ZNF827: variants seen among roughly 807,000 people sequenced by gnomAD.
The protein encoded by ZNF827 is zinc finger protein 827.
ZNF827 carries 13 observed loss-of-function variants against 102.4 expected under a neutral mutation model. The ratio of observed to expected loss-of-function variants is 0.13; its 90% CI spans 0.08 to 0.20. The LOEUF is 0.20. Among genes scored for constraint, ZNF827 ranks in the 10% least tolerant of loss-of-function variants. The pLI is 1.00. For missense variants in ZNF827, 1,103 were observed against 1,344.4 expected, an observed-to-expected ratio of 0.82 and a Z score of 2.81; for synonymous variants, 523 against 536.2, an observed-to-expected ratio of 0.98 and a Z score of 0.34.
intron 8 of ZNF827, chr4:145,820,016 G>A (rs1404476086): frequency 6.6e-6 from 1 of 152,178 alleles, no homozygotes; most frequent in Non-Finnish European, 1.5e-5. Flanking sequence ...TGCTATTCTC[G>A]ATCTCTTCAC....
intron 4 of ZNF827, among the ~76,000 whole-genome samples, chr4:145,884,052 C>T (rs1421845316): frequency 1.3e-5 from 2 of 152,086 alleles, no homozygotes; most frequent in Admixed American, 6.5e-5. Context: ...AGGGAGAAGT[C>T]GGGGGAGAGA....
At chr4:145,841,908 G>C (rs1043885523) in intron 7 of ZNF827, among the ~76,000 whole-genome samples, 2 of 151,274 alleles carry the variant, frequency 1.3e-5, no homozygotes, top group Admixed American at 6.6e-5. Context: ...CTGAGTTTAA[G>C]TTCTTAGGAT....
At chr4:145,804,783 G>A (rs1313712595) in intron 8 of ZNF827, among the ~76,000 whole-genome samples, 4 of 152,188 alleles carry the variant, frequency 2.6e-5, no homozygotes, top group African/African-American at 9.6e-5. Context: ...AGTGGGGACA[G>A]TGCAAATCCC....
chr4:145,923,444 C>T (rs1244660191), intron 1 of ZNF827, among the ~76,000 whole-genome samples: 2 of 120,858 alleles, frequency 1.7e-5, no homozygotes, highest in African/African-American at 5.5e-5. Flanking sequence ...ATCTCTATTA[C>T]AAATGTAAAA....
intron 8 of ZNF827, among the ~76,000 whole-genome samples, chr4:145,781,195 C>CAAAAAAAAAAAAA (rs10605153): frequency 1.2e-3 from 69 of 56,536 alleles, no homozygotes; most frequent in East Asian, 3.4e-3. Context: ...GACACCATCT[C>CAAAAAAAAAAAAA]AAAAAAAAAA....
intron 4 of ZNF827, among the ~76,000 whole-genome samples, chr4:145,877,582 A>G (rs1236089347): frequency 6.6e-6 from 1 of 152,140 alleles, no homozygotes; most frequent in Non-Finnish European, 1.5e-5. Context: ...TCCCCACCTG[A>G]GCTAATCCTT....
At chr4:145,829,507 G>A (rs547121066) in intron 7 of ZNF827, among the ~76,000 whole-genome samples, 7 of 152,302 alleles carry the variant, frequency 4.6e-5, no homozygotes, top group Non-Finnish European at 7.3e-5. Context: ...TACAGATTTC[G>A]AGAGCTGGAT....
At chr4:145,919,340 G>T (rs1050005357) in intron 1 of ZNF827, among the ~76,000 whole-genome samples, 7 of 152,198 alleles carry the variant, frequency 4.6e-5, no homozygotes, top group African/African-American at 1.7e-4. Context: ...GGGACCACCC[G>T]TACTTGTTCA....
chr4:145,872,530 T>C (rs1350151159), intron 4 of ZNF827, among the ~76,000 whole-genome samples: 5 of 152,232 alleles, frequency 3.3e-5, no homozygotes, highest in African/African-American at 1.2e-4. Context: ...TGTTACGCGG[T>C]ATTTAGTTTA....
At chr4:145,847,083 G>A (rs1746053913) in intron 6 of ZNF827, among the ~76,000 whole-genome samples, 1 of 152,146 alleles carries the variant, frequency 6.6e-6, no homozygotes, top group Non-Finnish European at 1.5e-5. Flanking sequence ...GAACCTAGGA[G>A]GTGGAGGGTG....
chr4:145,852,677 T>C (rs1368069807), intron 5 of ZNF827, among the ~76,000 whole-genome samples: 5 of 152,224 alleles, frequency 3.3e-5, no homozygotes, highest in Non-Finnish European at 4.4e-5. Context: ...GGGGACTATA[T>C]TGCACATTGC....
intron 7 of ZNF827, among the ~76,000 whole-genome samples, chr4:145,841,433 A>G (rs1195500367): frequency 6.6e-6 from 1 of 152,194 alleles, no homozygotes; most frequent in Non-Finnish European, 1.5e-5. Flanking sequence ...TGCTCCCTGT[A>G]GAACCTAGGC....
Position 145,902,778 on chromosome 4 carries a change from G to C in ZNF827, c.481C>G (p.His161Asp). 6.2e-7 allele frequency: 1 copy of C among 1,614,074 alleles called. No individual in the cohort carries two copies. The highest frequency in any genetic ancestry group is 8.5e-7 in the Non-Finnish European group (1 of 1,180,024). The change falls in exon 2 of 15, where the codon CAC becomes GAC. Residue 161 changes from histidine to aspartate, a missense_variant. Physicochemically the swap from His to Asp is moderately conservative, Grantham distance 81 (BLOSUM62 -1). Transcript: ENST00000508784. This position sits in a 1 kb window ranked among gnomAD's most constrained non-coding sequence, Gnocchi z 4.3. ...GSNLSFSPPSHHAQQLSVLAR... is the reference protein window; with the variant it reads ...GSNLSFSPPSDHAQQLSVLAR... Reference sequence around the variant, plus strand: ...AGAACACTGAGCTGCTGGGCGTGGTGGGAAGGCGGGGAAAAGGAGAGGTTC... The same window carrying C: ...AGAACACTGAGCTGCTGGGCGTGGTCGGAAGGCGGGGAAAAGGAGAGGTTC...
intron 7 of ZNF827, among the ~76,000 whole-genome samples, chr4:145,841,626 G>T (rs1579343059): frequency 1.3e-5 from 2 of 152,246 alleles, no homozygotes; most frequent in East Asian, 3.9e-4. Flanking sequence ...CACTTGCATT[G>T]AATTTTCTAG....
chr4:145,770,342 AT>A (rs1485881203), intron 11 of ZNF827, among the ~76,000 whole-genome samples: 130 of 57,618 alleles, frequency 2.3e-3, no homozygotes, highest in Non-Finnish European at 5.4e-3. Context: ...AAATAAATAA[AT>A]AAATAAAATA....
intron 1 of ZNF827, among the ~76,000 whole-genome samples, chr4:145,919,806 G>A (rs1752931765): frequency 6.6e-6 from 1 of 152,186 alleles, no homozygotes. Context: ...CTCCTTTTAA[G>A]TAAATAAATA....
rs1274403210 is a variant in ZNF827, at chr4:145,758,648, C to G, written c.*2968G>C. ...CCCAGTATTCTTGGAGTGTATTGTC[C>G]ATAACTATCTATAGTGTCTTTTACT... On this transcript the variant is annotated 3_prime_UTR_variant, in exon 15 of 15. Coordinates refer to ENST00000508784, the MANE Select transcript of ZNF827 (RefSeq NM_001306215.2). 1 of 152,220 alleles carries G rather than the reference C, an allele frequency of 6.6e-6. No homozygotes were observed. The highest frequency in any genetic ancestry group is 1.5e-5 in the Non-Finnish European group (1 of 68,074). The allele number at this position is 152,220 out of a possible 1,614,324, so 9.4% of individuals were successfully genotyped here.
chr4:145,844,315 T>A lies in ZNF827; in HGVS notation c.2279+1641A>T, dbSNP rs139467870. On this transcript the variant is annotated intron_variant, in intron 7 of 14. Coordinates refer to ENST00000508784, the MANE Select transcript of ZNF827 (RefSeq NM_001306215.2). ...CTCATTTTCTCTCTGTATACTTATA[T>A]ACAGACACAAGACTAATACATACCA... Among the ~76,000 whole-genome samples, 29 of 152,038 alleles carry A rather than the reference T, an allele frequency of 1.9e-4. No homozygotes were observed. The East Asian group carries it at 5.2e-3, about 27-fold the overall frequency.
In ZNF827 at chr4:145,775,854, G is replaced by A. The variant is rs142722064; in HGVS notation, c.2628C>T (p.Thr876=). ...AGGTGACGGCGCTGACAATGTCCTC[G>A]GTGTCTGTACTCACCAGCTTCACGG... ...VHSVKLVSTD[T]EDIVSAVTSE... Residue 876 remains threonine (T), a synonymous_variant, in exon 10 of 15, where the codon ACC becomes ACT. Coordinates refer to ENST00000508784, the MANE Select transcript of ZNF827 (RefSeq NM_001306215.2). 2.2e-3 allele frequency: 3,584 copies of A among 1,614,114 alleles called. 8 individuals carry two copies. The highest frequency in any genetic ancestry group is 2.8e-3 in the Non-Finnish European group (3,302 of 1,180,014).
Sources: allele counts gnomAD v4.1 joint callset (sites outside exome capture counted in the v4.1 genomes callset), GRCh38; gene constraint gnomAD v4.1.1; non-coding constraint Gnocchi (gnomAD v3.1); transcripts MANE v1.5; gene names NCBI Gene and HGNC (gene_info 2026-07-23, HGNC 2026-07-21).